ZFAND3: variants seen among roughly 807,000 people sequenced by gnomAD.
The protein encoded by ZFAND3 is zinc finger AN1-type containing 3, also known as AN1-type zinc finger protein 3.
Under a neutral mutation model 29.6 loss-of-function variants are expected in ZFAND3, and 10 were observed. The ratio of observed to expected loss-of-function variants is 0.34; its 90% CI spans 0.21 to 0.57. The LOEUF (loss-of-function observed/expected upper bound fraction) is 0.57. Ranked by LOEUF, ZFAND3 falls within the 20% of genes least tolerant of loss-of-function variation. The pLI, the probability that ZFAND3 is intolerant of heterozygous loss-of-function variation, is 0.86. For missense variants in ZFAND3, 230 were observed against 304.5 expected, an observed-to-expected ratio of 0.76 and a Z score of 1.82; for synonymous variants, 128 against 112.6, an observed-to-expected ratio of 1.14 and a Z score of -0.87.
In ZFAND3 at chr6:38,152,725, C is replaced by T. The variant is rs895484063; in HGVS notation, c.*336C>T. The stretch of plus-strand genomic sequence containing the variant: ...AGCCTTAAGTGGAAAGTGTTCCAGA[C>T]GGAGACTCTGAGTTAATAGAGGAGT... On this transcript the variant is annotated 3_prime_UTR_variant, in exon 6 of 6. Transcript: ENST00000287218. 2.6e-5 allele frequency: 27 copies of T among 1,027,624 alleles called. No homozygotes were observed. Among genetic ancestry groups the T allele is most frequent in the Admixed American group, 1.1e-4 (2 of 17,690 alleles). 63.7% of individuals were successfully genotyped at this position (1,027,624 alleles called of 1,614,324 possible). A position where few individuals can be genotyped will look rare whatever the true frequency, so the allele number is the denominator to read the frequency against.
chr6:38,072,610 TAAATC>T (rs757542915), intron 3 of ZFAND3, among the ~76,000 whole-genome samples: 1 of 152,130 alleles, frequency 6.6e-6, no homozygotes, highest in Non-Finnish European at 1.5e-5. Flanking sequence ...GATTTTAAAT[TAAATC>T]TAAGCTTTAT....
intron 4 of ZFAND3, among the ~76,000 whole-genome samples, chr6:38,100,424 A>C (rs1765069942): frequency 6.6e-6 from 1 of 152,218 alleles, no homozygotes; most frequent in Non-Finnish European, 1.5e-5. Flanking sequence ...TCCTTCCTAG[A>C]ATAGCCATTG....
At chr6:37,966,881 A>T (rs1056977031) in intron 2 of ZFAND3, among the ~76,000 whole-genome samples, 7 of 152,012 alleles carry the variant, frequency 4.6e-5, no homozygotes, top group African/African-American at 1.7e-4. Flanking sequence ...TGAACTTGGC[A>T]CTTTTGGAGA....
intron 2 of ZFAND3, among the ~76,000 whole-genome samples, chr6:38,008,919 C>T (rs955449320): frequency 6.6e-6 from 1 of 151,886 alleles, no homozygotes; most frequent in South Asian, 2.1e-4. Context: ...ATAATCATTC[C>T]TTTTATGCTT....
chr6:37,858,470 A>T (rs1764423327), intron 1 of ZFAND3, among the ~76,000 whole-genome samples: 1 of 152,168 alleles, frequency 6.6e-6, no homozygotes, highest in Admixed American at 6.5e-5. Context: ...GGAGTAATAG[A>T]GCTTTGAAAT....
At chr6:37,903,409 A>T (rs1264593257) in intron 1 of ZFAND3, among the ~76,000 whole-genome samples, 1 of 152,234 alleles carries the variant, frequency 6.6e-6, no homozygotes, top group Non-Finnish European at 1.5e-5. Flanking sequence ...CTAGATTACC[A>T]CATTGGTTTT....
intron 1 of ZFAND3, among the ~76,000 whole-genome samples, chr6:37,839,356 A>G (rs1427391343): frequency 6.7e-6 from 1 of 148,854 alleles, no homozygotes; most frequent in Non-Finnish European, 1.5e-5. Flanking sequence ...AATTTTTTGT[A>G]TTTTTAGTAG....
chr6:37,941,697 C>T (rs1761812971), intron 2 of ZFAND3, among the ~76,000 whole-genome samples: 1 of 152,178 alleles, frequency 6.6e-6, no homozygotes, highest in African/African-American at 2.4e-5. Context: ...GCTGTTTGCA[C>T]ATTGTCAGTG....
chr6:37,925,907 T>G (rs969286905), intron 1 of ZFAND3, among the ~76,000 whole-genome samples: 1 of 152,146 alleles, frequency 6.6e-6, no homozygotes, highest in Non-Finnish European at 1.5e-5. Context: ...TAAAGAGATT[T>G]GGGATTGAAG....
chr6:38,135,105 G>GA (rs1313915050), intron 5 of ZFAND3, among the ~76,000 whole-genome samples: 2 of 152,126 alleles, frequency 1.3e-5, no homozygotes, highest in Non-Finnish European at 2.9e-5. Flanking sequence ...ACTGGGACAG[G>GA]ACCCATGAGG....
intron 2 of ZFAND3, among the ~76,000 whole-genome samples, chr6:37,937,024 A>G (rs1335176656): frequency 1.3e-5 from 2 of 152,198 alleles, no homozygotes; most frequent in African/African-American, 4.8e-5. Flanking sequence ...AAATTAAAAT[A>G]TTTCCTTATG....
At chr6:37,945,636 A>G (rs900518177) in intron 2 of ZFAND3, among the ~76,000 whole-genome samples, 28 of 152,102 alleles carry the variant, frequency 1.8e-4, no homozygotes, top group African/African-American at 6.8e-4. Context: ...TGGCCTCCCA[A>G]AGTGTTAGGA....
At chr6:38,046,711 A>G (rs1488279196) in intron 2 of ZFAND3, among the ~76,000 whole-genome samples, 1 of 152,240 alleles carries the variant, frequency 6.6e-6, no homozygotes, top group Non-Finnish European at 1.5e-5. Flanking sequence ...TCGTGGTCCT[A>G]TTAATTTAAA....
chr6:38,109,197 T>C (rs1407275523), intron 4 of ZFAND3, among the ~76,000 whole-genome samples: 131 of 143,196 alleles, frequency 9.1e-4, no homozygotes, highest in African/African-American at 2.8e-3. Flanking sequence ...TTTTTTTTTT[T>C]CTTGAGACAG....
chr6:38,024,470 CA>C (rs34123545), intron 2 of ZFAND3, among the ~76,000 whole-genome samples: 10,565 of 112,584 alleles, frequency 0.094, 414 homozygotes, highest in African/African-American at 0.16. Flanking sequence ...GACTCCGTCT[CA>C]AAAAAAAAAA....
At chr6:38,017,011 T>C (rs1194580777) in intron 2 of ZFAND3, among the ~76,000 whole-genome samples, 3 of 152,240 alleles carry the variant, frequency 2.0e-5, no homozygotes, top group Admixed American at 6.5e-5. Context: ...CATTGCTTGC[T>C]TGCCTTCTGA....
intron 4 of ZFAND3, among the ~76,000 whole-genome samples, chr6:38,110,250 G>C (rs1221976222): frequency 6.6e-6 from 1 of 151,994 alleles, no homozygotes; most frequent in Non-Finnish European, 1.5e-5. Flanking sequence ...ATTATTTTAG[G>C]GTCATTGGGA....
chr6:37,985,894 C>T (rs899555886), intron 2 of ZFAND3, among the ~76,000 whole-genome samples: 11 of 152,140 alleles, frequency 7.2e-5, no homozygotes, highest in African/African-American at 2.4e-4. Context: ...TCTTTTTATG[C>T]CTGAAATATT....
Position 37,884,494 on chromosome 6 carries a change from C to CAA in ZFAND3, c.72-45441_72-45440dup, listed in dbSNP as rs58015486. Among the ~76,000 whole-genome samples the CAA allele has an allele frequency of 7.5e-3, 399 of 53,270 alleles. 1 individual carries two copies. The highest frequency in any genetic ancestry group is 8.8e-3 in the East Asian group (15 of 1,698). The allele number at this position is 53,270 out of a possible 152,430, so 34.9% of individuals were successfully genotyped here. ...GGGCAAAAAGAGCGAAACTCTAGCT[C>CAA]AAAAAAAAAAAAAAAAAAAAAAAAA... On this transcript the variant is annotated intron_variant, in intron 1 of 5. Transcript: ENST00000287218.
Sources: allele counts gnomAD v4.1 joint callset (sites outside exome capture counted in the v4.1 genomes callset), GRCh38; gene constraint gnomAD v4.1.1; transcripts MANE v1.5; gene names NCBI Gene and HGNC (gene_info 2026-07-23, HGNC 2026-07-21).